BTD: variants seen among roughly 807,000 people sequenced by gnomAD.
BTD encodes biocytinase.
A neutral mutation model predicts 17.7 loss-of-function variants in BTD; 13 were observed. That is an observed-to-expected ratio of 0.74 (90% CI 0.48 to 1.17). The LOEUF (loss-of-function observed/expected upper bound fraction) is 1.17. Ranked by LOEUF, BTD falls within the 50% of genes most tolerant of loss-of-function variation. BTD has a pLI of 0.00. For synonymous variants in BTD, 240 were observed against 245.2 expected, an observed-to-expected ratio of 0.98 and a Z score of 0.20; for missense variants, 674 against 650.4, an observed-to-expected ratio of 1.04 and a Z score of -0.39.
chr3:15,674,196 A>AAAGAAAAAG (rs2066691839), intron 3 of BTD, among the ~76,000 whole-genome samples: 1 of 130,082 alleles, frequency 7.7e-6, no homozygotes, highest in African/African-American at 3.3e-5. Context: ...AAAAAAAAAA[A>AAAGAAAAAG]AAGAAGAAGA....
chr3:15,639,913 C>T (rs60307828), intron 2 of BTD, among the ~76,000 whole-genome samples: 11,533 of 152,086 alleles, frequency 0.076, 489 homozygotes, highest in African/African-American at 0.11. Flanking sequence ...AGTTTGAGAC[C>T]AGCCTGATGG....
downstream of BTD, chr3:15,713,713 A>G (rs746565096): frequency 1.8e-4 from 170 of 967,398 alleles, no homozygotes; most frequent in Non-Finnish European, 2.5e-4. Flanking sequence ...ATGAAAAGTA[A>G]TAAAAAATGC....
chr3:15,614,748 C>T (rs769280041), intron 1 of BTD, among the ~76,000 whole-genome samples: 2 of 151,974 alleles, frequency 1.3e-5, no homozygotes, highest in African/African-American at 4.8e-5. Flanking sequence ...AGGCATGCAC[C>T]ACCACACACA....
chr3:15,707,540 C>A (rs1383252959), intron 3 of BTD, among the ~76,000 whole-genome samples: 1 of 152,218 alleles, frequency 6.6e-6, no homozygotes, highest in Non-Finnish European at 1.5e-5. Flanking sequence ...TGTATTCCAA[C>A]CTCTACCCAA....
At chr3:15,682,372 T>C (rs1409038302) in intron 3 of BTD, among the ~76,000 whole-genome samples, 3 of 152,112 alleles carry the variant, frequency 2.0e-5, no homozygotes, top group African/African-American at 4.8e-5. Context: ...AAGGGAACAG[T>C]GGGGCCCCTT....
chr3:15,711,358 C>T, exon 4 of BTD: 3 of 1,188,936 alleles, frequency 2.5e-6, no homozygotes, highest in African/African-American at 1.5e-5. Context: ...AGAATCACAT[C>T]CTCCCCTCCA....
At chr3:15,711,789 C>T (rs1248849783) in exon 4 of BTD, among the ~76,000 whole-genome samples, 3 of 151,776 alleles carry the variant, frequency 2.0e-5, no homozygotes, top group Non-Finnish European at 2.9e-5. Context: ...TGGGTTCAAG[C>T]GATTCTCCTG....
At chr3:15,670,629 A>AAAGTTG in intron 3 of BTD, 2 of 1,416,766 alleles carry the variant, frequency 1.4e-6, no homozygotes, top group Non-Finnish European at 1.9e-6. Flanking sequence ...AAATAAGCCT[A>AAAGTTG]AAGTACTTCA....
At chr3:15,706,695 T>C (rs911555141) in intron 3 of BTD, among the ~76,000 whole-genome samples, 1 of 152,164 alleles carries the variant, frequency 6.6e-6, no homozygotes, top group Non-Finnish European at 1.5e-5. Context: ...AACTAGTTTA[T>C]AGTCCCACCA....
chr3:15,676,007 ATACATGTACACATATGTGCATG>A, intron 3 of BTD: 1 of 1,602,190 alleles, frequency 6.2e-7, no homozygotes, highest in South Asian at 1.1e-5. Flanking sequence ...AAAAAACATG[ATACATGTACACATATGTGCATG>A]TGCATGCACA....
At chr3:15,701,575 C>G (rs575755870) in intron 3 of BTD, among the ~76,000 whole-genome samples, 1 of 151,878 alleles carries the variant, frequency 6.6e-6, no homozygotes, top group Non-Finnish European at 1.5e-5. Context: ...ACCCAGGAGG[C>G]GGAGGTTGCA....
At chr3:15,686,319 GA>G (rs747955332) in intron 3 of BTD, 1 of 1,551,940 alleles carries the variant, frequency 6.4e-7, no homozygotes, top group Non-Finnish European at 8.8e-7. Context: ...GCTGTAAAGT[GA>G]AATTTAAACA....
At chr3:15,711,794 C>G (rs922047250) in exon 4 of BTD, among the ~76,000 whole-genome samples, 3 of 151,896 alleles carry the variant, frequency 2.0e-5, no homozygotes, top group African/African-American at 7.3e-5. Context: ...TCAAGCGATT[C>G]TCCTGCCTCA....
chr3:15,663,940 T>C (rs1180099402), intron 3 of BTD, among the ~76,000 whole-genome samples: 1 of 152,208 alleles, frequency 6.6e-6, no homozygotes, highest in Non-Finnish European at 1.5e-5. Context: ...TCACTCTTGT[T>C]GCCCAGGCTG....
chr3:15,669,194 A>G (rs2066142064), intron 3 of BTD: 1 of 152,242 alleles, frequency 6.6e-6, no homozygotes, highest in South Asian at 2.1e-4. Flanking sequence ...TGCTTAATTT[A>G]TGAACAACAA....
rs769908893 is a variant in BTD at position 15,635,868 on chromosome 3, G to T, written c.249+180G>T. 2.0e-5 allele frequency among the ~76,000 whole-genome samples: 3 copies of T among 152,114 alleles called. No individual in the cohort carries two copies. Among genetic ancestry groups the T allele is most frequent in the Non-Finnish European group, 4.4e-5 (3 of 68,018 alleles). On this transcript the variant is annotated intron_variant, in intron 2 of 3. Transcript: ENST00000643237. This position sits in a 1 kb window ranked among gnomAD's most constrained non-coding sequence, Gnocchi z 4.1. Reference sequence around the variant, plus strand: ...CCTTACCCCTCAGAGAGTGGTCCGTGGACCGGCATCCCCTGGGAGCTTGTT... The same window carrying T: ...CCTTACCCCTCAGAGAGTGGTCCGTTGACCGGCATCCCCTGGGAGCTTGTT...
chr3:15,714,704 G>T, downstream of BTD: 3 of 1,368,844 alleles, frequency 2.2e-6, no homozygotes, highest in African/African-American at 1.5e-5. Context: ...TCCATAATGT[G>T]TAAACCTTAG....
chr3:15,623,141 T>G lies in BTD; in HGVS notation c.-16-12283T>G, dbSNP rs147422292. Among the ~76,000 whole-genome samples, 711 of 152,320 alleles carry G rather than the reference T, an allele frequency of 4.7e-3. 5 individuals carry two copies. Among genetic ancestry groups the G allele is most frequent in the African/African-American group, 0.016 (675 of 41,568 alleles). On this transcript the variant is annotated intron_variant, in intron 1 of 3. Coordinates refer to ENST00000643237, the MANE Select transcript of BTD (RefSeq NM_001370658.1). ...ATGAGAACAGTATGTGGGAAACCACTCCCATGATTCAATTATCTCCACCTG... is the reference window on the plus strand; with the variant it reads ...ATGAGAACAGTATGTGGGAAACCACGCCCATGATTCAATTATCTCCACCTG...
chr3:15,656,931 TCA>T (rs1206838503), downstream of BTD, among the ~76,000 whole-genome samples: 2 of 152,164 alleles, frequency 1.3e-5, no homozygotes, highest in Non-Finnish European at 2.9e-5. Flanking sequence ...TGGGAAGGAC[TCA>T]GTTATGCAGC....
Sources: gnomAD v4.1 joint callset for allele counts (sites outside exome capture counted in the v4.1 genomes callset) on GRCh38, gnomAD v4.1.1 for gene constraint, Gnocchi (gnomAD v3.1) non-coding constraint, MANE v1.5 for transcripts, NCBI Gene and HGNC (gene_info 2026-07-23, HGNC 2026-07-21) for gene names.